The following SESTD1 variants were observed in gnomAD, a reference collection of about 807,000 sequenced individuals.
SESTD1 encodes the protein SEC14 domain and spectrin repeat-containing protein 1.
A neutral mutation model predicts 101.7 loss-of-function variants in SESTD1; 43 were observed. The observed-to-expected ratio is 0.42, with a 90% CI of 0.33 to 0.55. The LOEUF is 0.55. Ranked by LOEUF, SESTD1 falls within the 20% of genes least tolerant of loss-of-function variation. SESTD1 has a pLI of 0.07. For synonymous variants in SESTD1, 283 were observed against 286.8 expected (o/e 0.99, Z 0.13); for missense variants, 647 against 815.1 (o/e 0.79, Z 2.51).
chr2:179,190,668 T>C (rs1489255797), intron 2 of SESTD1, among the ~76,000 whole-genome samples: 1 of 152,080 alleles, frequency 6.6e-6, no homozygotes, highest in African/African-American at 2.4e-5. Context: ...GAATCCATAA[T>C]GAACTTAATC....
rs16866643 is a variant in SESTD1, at chr2:179,112,155, A to G, written c.1961+569T>C. Among the ~76,000 whole-genome samples, 255 of 152,344 alleles carry G rather than the reference A, an allele frequency of 1.7e-3. 6 individuals are homozygous for G. In the East Asian group the frequency reaches 0.045, roughly 27 times the overall value. ...ACACATAAAGAAATTAGAACGCCAT[A>G]TAACACAGTACAAAGGGAATGGGTT... is the stretch of plus-strand genomic sequence containing the variant. On this transcript the variant is annotated intron_variant, in intron 17 of 17. Coordinates refer to ENST00000428443, the MANE Select transcript of SESTD1 (RefSeq NM_178123.5).
rs1174266373 is a variant in SESTD1, at chr2:179,204,445, TTAACAACGTAGAGCCAATCAC to T, written c.-25-12600_-25-12580del. Among the ~76,000 whole-genome samples, 8 of 134,858 alleles carry T rather than the reference TTAACAACGTAGAGCCAATCAC, an allele frequency of 5.9e-5. 2 individuals are homozygous for T. The highest frequency in any genetic ancestry group is 1.3e-4 in the Non-Finnish European group (8 of 62,776). The allele number at this position is 134,858 out of a possible 152,430, so 88.5% of individuals were successfully genotyped here. On this transcript the variant is annotated intron_variant, in intron 1 of 17. Coordinates refer to ENST00000428443, the MANE Select transcript of SESTD1 (RefSeq NM_178123.5). ...TTTGCCATAACCCATACCTTATAGC[TTAACAACGTAGAGCCAATCAC>T]TAATCAATGTTATTTCTGTGAACCA... is the stretch of plus-strand genomic sequence containing the variant.
At chr2:179,141,448 C>T (rs1451044043) in intron 9 of SESTD1, among the ~76,000 whole-genome samples, 1 of 152,032 alleles carries the variant, frequency 6.6e-6, no homozygotes, top group Non-Finnish European at 1.5e-5. Context: ...AAGCAAGAAC[C>T]CTATTTTTAC....
Position 179,117,523 on chromosome 2 carries a change from G to T in SESTD1, c.1524+9C>A. On this transcript the variant is annotated intron_variant, in intron 14 of 17. Transcript: ENST00000428443. ...AGTTAACTACATAATGTAGCTGACTGCTCCTTACCTGGGCAGCATCTTCTT... is the reference window on the plus strand; with the variant it reads ...AGTTAACTACATAATGTAGCTGACTTCTCCTTACCTGGGCAGCATCTTCTT... The T allele has an allele frequency of 6.4e-7, 1 of 1,562,642 alleles. No homozygotes were observed. The highest frequency in any genetic ancestry group is 8.6e-7 in the Non-Finnish European group (1 of 1,162,080).
At chr2:179,114,565 GAA>G (rs1423359679) in intron 16 of SESTD1, among the ~76,000 whole-genome samples, 2 of 151,902 alleles carry the variant, frequency 1.3e-5, no homozygotes, top group African/African-American at 4.8e-5. Context: ...TTAATTCATT[GAA>G]TAATAAATTC....
chr2:179,219,573 G>A (rs2046784820), intron 1 of SESTD1, among the ~76,000 whole-genome samples: 1 of 152,180 alleles, frequency 6.6e-6, no homozygotes, highest in Non-Finnish European at 1.5e-5. Context: ...TACAAAGTAA[G>A]AGCAATTTTA....
chr2:179,251,011 G>C (rs2105555201), intron 1 of SESTD1, among the ~76,000 whole-genome samples: 1 of 152,232 alleles, frequency 6.6e-6, no homozygotes, highest in African/African-American at 2.4e-5. Context: ...AGAGTCAAAA[G>C]CTAGAAACAG....
intron 1 of SESTD1, among the ~76,000 whole-genome samples, chr2:179,245,272 T>G (rs1487573579): frequency 6.6e-6 from 1 of 152,042 alleles, no homozygotes; most frequent in Non-Finnish European, 1.5e-5. Context: ...ATCCCAGCAC[T>G]TTAGGAGGCT....
intron 10 of SESTD1, among the ~76,000 whole-genome samples, chr2:179,128,145 G>A (rs968138302): frequency 6.6e-5 from 10 of 152,244 alleles, no homozygotes; most frequent in African/African-American, 2.4e-4. Flanking sequence ...ATTTCAACAA[G>A]CATCTCTGAT....
intron 1 of SESTD1, chr2:179,264,152 T>A (rs926874766): frequency 6.6e-6 from 1 of 152,098 alleles, no homozygotes; most frequent in African/African-American, 2.4e-5. Flanking sequence ...CACCCAGAAA[T>A]GAACAAGGGC....
chr2:179,237,727 T>C (rs1448675420), intron 1 of SESTD1, among the ~76,000 whole-genome samples: 1 of 152,182 alleles, frequency 6.6e-6, no homozygotes, highest in Non-Finnish European at 1.5e-5. Context: ...TATAGAAGCA[T>C]AAAGGGTAAC....
intron 17 of SESTD1, among the ~76,000 whole-genome samples, chr2:179,112,196 A>G (rs1049568810): frequency 3.3e-5 from 5 of 152,358 alleles, no homozygotes; most frequent in Admixed American, 6.5e-5. Context: ...CCACACAGAC[A>G]TACCTGAGAT....
At chr2:179,115,565 T>G (rs559963837) in intron 15 of SESTD1, among the ~76,000 whole-genome samples, 5 of 151,870 alleles carry the variant, frequency 3.3e-5, no homozygotes, top group African/African-American at 1.2e-4. Flanking sequence ...CTGGCCAACA[T>G]AGCAAGATCC....
intron 1 of SESTD1, among the ~76,000 whole-genome samples, chr2:179,254,981 A>T (rs975618626): frequency 1.3e-5 from 2 of 152,126 alleles, no homozygotes; most frequent in African/African-American, 4.8e-5. Flanking sequence ...GTGATCTGTG[A>T]TCAGTGATCT....
chr2:179,180,847 G>C (rs1377561549), intron 3 of SESTD1, among the ~76,000 whole-genome samples: 1 of 152,126 alleles, frequency 6.6e-6, no homozygotes, highest in East Asian at 1.9e-4. Context: ...TAAGGAAATG[G>C]CAAGTACGGA....
chr2:179,200,085 T>C (rs1241590445), intron 1 of SESTD1, among the ~76,000 whole-genome samples: 1 of 152,154 alleles, frequency 6.6e-6, no homozygotes, highest in African/African-American at 2.4e-5. Flanking sequence ...AGTCTCACGA[T>C]ACAAAATGAA....
chr2:179,192,421 C>T (rs1339000777), intron 1 of SESTD1, among the ~76,000 whole-genome samples: 1 of 152,128 alleles, frequency 6.6e-6, no homozygotes, highest in African/African-American at 2.4e-5. Context: ...CTGTTTATCT[C>T]ACTACATTTT....
chr2:179,146,437 A>G lies in SESTD1; in HGVS notation c.602T>C (p.Leu201Pro), dbSNP rs1325372624. Residue 201 changes from leucine (L) to proline (P), a missense_variant, in exon 8 of 18, where the codon CTT becomes CCT. Around this residue, in one of 3 missense-constraint regions of SESTD1, gnomAD observed 168 missense variants for 235.1 expected, o/e 0.71. Coordinates refer to ENST00000428443, the MANE Select transcript of SESTD1 (RefSeq NM_178123.5). Reference sequence around the variant, plus strand: ...AACTGTTTCAGGATCAACCGATGGAAGAAAGTTTAAATCCACAGACCTGGA... The same window carrying G: ...AACTGTTTCAGGATCAACCGATGGAGGAAAGTTTAAATCCACAGACCTGGA... ...EKERSVDLNF[L>P]PSVDPETVLQ... 6.2e-7 allele frequency: 1 copy of G among 1,613,432 alleles called. No homozygotes were observed.
At chr2:179,249,471 C>G (rs1272816525) in intron 1 of SESTD1, among the ~76,000 whole-genome samples, 1 of 152,034 alleles carries the variant, frequency 6.6e-6, no homozygotes, top group Non-Finnish European at 1.5e-5. Context: ...ATGTATAATA[C>G]TTGTATGCTG....
Sources: allele counts gnomAD v4.1 joint callset (sites outside exome capture counted in the v4.1 genomes callset), GRCh38; gene constraint gnomAD v4.1.1; regional missense constraint gnomAD v4.1.1; transcripts MANE v1.5; gene names NCBI Gene and HGNC (gene_info 2026-07-23, HGNC 2026-07-21).